Variants in KCNC1 observed in about 807,000 individuals in gnomAD.
The protein encoded by KCNC1 is voltage-gated potassium channel KCNC1.
In KCNC1, 8 loss-of-function variants were observed where a neutral mutation model predicts 43.4. The observed-to-expected ratio is 0.18, with a 90% CI of 0.11 to 0.33. The LOEUF (loss-of-function observed/expected upper bound fraction) is 0.33. KCNC1 is among the 10% of genes least tolerant of loss of function. KCNC1 has a pLI of 1.00. For missense variants in KCNC1, 420 were observed against 836.0 expected, an observed-to-expected ratio of 0.50 and a Z score of 6.14; for synonymous variants, 361 against 360.5, an observed-to-expected ratio of 1.00 and a Z score of -0.01.
Position 17,782,435 on chromosome 11 carries a change from C to G in KCNC1, c.*701C>G, listed in dbSNP as rs1177854558. On this transcript the variant is annotated 3_prime_UTR_variant, in exon 4 of 4. Transcript: ENST00000265969. ...CCCAGCGGATGTCTCCCCAAGACCC[C>G]TGACAGCAGCTAGTCTAGGTTGATT... The G allele has an allele frequency of 6.6e-6, 1 of 152,224 alleles. No homozygotes were observed. Among genetic ancestry groups the G allele is most frequent in the African/African-American group, 2.4e-5 (1 of 41,446 alleles). The allele number at this position is 152,224 out of a possible 1,614,324, so 9.4% of individuals were successfully genotyped here.
In KCNC1 at chr11:17,776,089, C is replaced by T. The variant is rs1849283874; in HGVS notation, c.1505-3367C>T. Reference sequence around the variant, plus strand: ...GCAGCCTGTGGGCCCTGAGTGGGGTCTTTGTTGTCCTCAGGTGGGCTGTGG... The same window carrying T: ...GCAGCCTGTGGGCCCTGAGTGGGGTTTTTGTTGTCCTCAGGTGGGCTGTGG... On this transcript the variant is annotated intron_variant, in intron 2 of 3. Coordinates refer to ENST00000265969, the MANE Select transcript of KCNC1 (RefSeq NM_001112741.2). This position sits in a 1 kb window ranked among gnomAD's most constrained non-coding sequence, Gnocchi z 4.4. 4.1e-6 allele frequency: 4 copies of T among 985,288 alleles called. No individual in the cohort carries two copies. The African/African-American group carries it at 7.0e-5, about 17-fold the overall frequency. The allele number at this position is 985,288 out of a possible 1,614,324, so 61.0% of individuals were successfully genotyped here.
At chr11:17,757,184 T>TAA (rs1406923762) in intron 1 of KCNC1, among the ~76,000 whole-genome samples, 2 of 149,352 alleles carry the variant, frequency 1.3e-5, no homozygotes, top group Non-Finnish European at 3.0e-5. Context: ...TTATGAGGAT[T>TAA]AAAAAGGGTA....
In KCNC1 at chr11:17,735,987, C is replaced by T; in HGVS notation, c.-16C>T. The T allele has an allele frequency of 1.4e-6, 2 of 1,444,522 alleles. No individual in the cohort carries two copies. The highest frequency in any genetic ancestry group is 1.8e-6 in the Non-Finnish European group (2 of 1,103,002). 89.5% of individuals were successfully genotyped at this position (1,444,522 alleles called of 1,614,324 possible). A position where few individuals can be genotyped will look rare whatever the true frequency, so the allele number is the denominator to read the frequency against. ...TGGGTGTCGCTGGGCCGCGCCATGC[C>T]TAAGGGGGCGCCGCGATGGGCCAAG... On this transcript the variant is annotated 5_prime_UTR_variant, in exon 1 of 4. Coordinates refer to ENST00000265969, the MANE Select transcript of KCNC1 (RefSeq NM_001112741.2). The surrounding 1 kb of genome is among the most constrained non-coding windows in gnomAD (Gnocchi z 6.7).
chr11:17,777,700 C>G lies in KCNC1; in HGVS notation c.1505-1756C>G. ...GGGAAGTGAAGCCCCTGGGATTTGT[C>G]GAGAAACGCACTGTACGTGAAATGC... On this transcript the variant is annotated intron_variant, in intron 2 of 3. Coordinates refer to ENST00000265969, the MANE Select transcript of KCNC1 (RefSeq NM_001112741.2). This position sits in a 1 kb window ranked among gnomAD's most constrained non-coding sequence, Gnocchi z 4.3. 1.0e-6 allele frequency: 1 copy of G among 985,880 alleles called. No homozygotes were observed. Among genetic ancestry groups the G allele is most frequent in the Non-Finnish European group, 1.2e-6 (1 of 829,950 alleles). 61.1% of individuals were successfully genotyped at this position (985,880 alleles called of 1,614,324 possible).
rs565516237 is a variant in KCNC1 at position 17,774,731 on chromosome 11, A to C, written c.1504+2133A>C. 8.1e-6 allele frequency: 8 copies of C among 985,296 alleles called. No homozygotes were observed. The African/African-American group carries it at 1.4e-4, about 17-fold the overall frequency. 61.0% of individuals were successfully genotyped at this position (985,296 alleles called of 1,614,324 possible). ...GGACAGTCTCTGTGGCTGAGGAAGT[A>C]TTTGGGGCCCTCACAAGCTTGCCCT... On this transcript the variant is annotated intron_variant, in intron 2 of 3. Transcript: ENST00000265969.
Position 17,776,147 on chromosome 11 carries a change from G to GTTACCCAAATGGGTA in KCNC1, c.1505-3309_1505-3308insTTACCCAAATGGGTA, listed in dbSNP as rs1849284795. On this transcript the variant is annotated intron_variant, in intron 2 of 3. Transcript: ENST00000265969. The surrounding 1 kb of genome is among the most constrained non-coding windows in gnomAD (Gnocchi z 4.4). ...AGCGGAGAAATGAAGTGACGCCAGGGGCCAGGCATGGGTGTTCTTTTCCGT... is the reference window on the plus strand; with the variant it reads ...AGCGGAGAAATGAAGTGACGCCAGGGTTACCCAAATGGGTAGCCAGGCATGGGTGTTCTTTTCCGT... 1.0e-6 allele frequency: 1 copy of GTTACCCAAATGGGTA among 985,326 alleles called. No individual in the cohort carries two copies. Among genetic ancestry groups the GTTACCCAAATGGGTA allele is most frequent in the Non-Finnish European group, 1.2e-6 (1 of 829,986 alleles). The allele number at this position is 985,326 out of a possible 1,614,324, so 61.0% of individuals were successfully genotyped here. A position where few individuals can be genotyped will look rare whatever the true frequency, so the allele number is the denominator to read the frequency against.
At chr11:17,749,134 G>C (rs1335322660) in intron 1 of KCNC1, among the ~76,000 whole-genome samples, 1 of 152,186 alleles carries the variant, frequency 6.6e-6, no homozygotes, top group Non-Finnish European at 1.5e-5. Context: ...GGGTCTGCTA[G>C]TTCTTAGCTG....
intron 1 of KCNC1, among the ~76,000 whole-genome samples, chr11:17,737,608 A>C (rs1263770409): frequency 6.6e-6 from 1 of 152,102 alleles, no homozygotes; most frequent in Non-Finnish European, 1.5e-5. Flanking sequence ...CAAAAAGAGG[A>C]ACTGGTAGCA....
At chr11:17,745,838 C>T (rs751659100) in intron 1 of KCNC1, among the ~76,000 whole-genome samples, 15 of 152,188 alleles carry the variant, frequency 9.9e-5, no homozygotes, top group Non-Finnish European at 1.5e-4. Context: ...GACACTTCTC[C>T]GGCCCCTTCC....
chr11:17,766,320 C>T (rs953996938), intron 1 of KCNC1, among the ~76,000 whole-genome samples: 4 of 152,300 alleles, frequency 2.6e-5, no homozygotes, highest in South Asian at 2.1e-4. Context: ...GTGCCATGTG[C>T]ACAGTGTCTG....
chr11:17,771,982 C>T lies in KCNC1; in HGVS notation c.888C>T (p.Ser296=), dbSNP rs529332669. 34 of 1,614,116 alleles carry T rather than the reference C, an allele frequency of 2.1e-5. No individual in the cohort carries two copies. Among genetic ancestry groups the T allele is most frequent in the South Asian group, 1.2e-4 (11 of 91,082 alleles). The change falls in exon 2 of 4, where the codon AGC becomes AGT. Residue 296 remains serine, a synonymous_variant. Coordinates refer to ENST00000265969, the MANE Select transcript of KCNC1 (RefSeq NM_001112741.2). This position sits in a 1 kb window ranked among gnomAD's most constrained non-coding sequence, Gnocchi z 4.7. ...CCTTCTACCTGGAGGTGGGGCTGAG[C>T]GGCCTGTCCTCCAAGGCAGCCAAGG... ...ILPFYLEVGL[S]GLSSKAAKDV...
intron 2 of KCNC1, chr11:17,775,837 G>C (rs1849279917): frequency 2.0e-6 from 2 of 985,462 alleles, no homozygotes; most frequent in African/African-American, 1.7e-5. Flanking sequence ...TGAGGTCTCA[G>C]AGAAGCCCCC....
intron 1 of KCNC1, among the ~76,000 whole-genome samples, chr11:17,759,470 TG>T (rs1294329036): frequency 1.4e-4 from 22 of 152,332 alleles, no homozygotes; most frequent in Admixed American, 7.9e-4. Flanking sequence ...GCTGACTGTT[TG>T]GTGCAAGAGG....
chr11:17,768,264 CAG>C (rs1366292097), intron 1 of KCNC1, among the ~76,000 whole-genome samples: 3 of 152,180 alleles, frequency 2.0e-5, no homozygotes, highest in Non-Finnish European at 2.9e-5. Flanking sequence ...TTTTTCCAGA[CAG>C]AGACTGGCAG....
intron 1 of KCNC1, among the ~76,000 whole-genome samples, chr11:17,763,809 C>A (rs993272748): frequency 9.7e-5 from 14 of 144,898 alleles, no homozygotes; most frequent in Admixed American, 2.7e-4. Context: ...ACACACAGAC[C>A]CCCACACACC....
intron 2 of KCNC1, chr11:17,772,811 TG>T: frequency 7.0e-7 from 1 of 1,438,220 alleles, no homozygotes; most frequent in Non-Finnish European, 9.1e-7. Context: ...CTGGTGCCCC[TG>T]GGTAAGGAGG....
intron 2 of KCNC1, among the ~76,000 whole-genome samples, chr11:17,778,446 A>T (rs1458109975): frequency 6.6e-6 from 1 of 152,230 alleles, no homozygotes; most frequent in Non-Finnish European, 1.5e-5. Context: ...CACTGACCAG[A>T]GGGGACAGAG....
Position 17,736,852 on chromosome 11 carries a change from T to G in KCNC1, c.570+280T>G, listed in dbSNP as rs1439498003. On this transcript the variant is annotated intron_variant, in intron 1 of 3. Coordinates refer to ENST00000265969, the MANE Select transcript of KCNC1 (RefSeq NM_001112741.2). This position sits in a 1 kb window ranked among gnomAD's most constrained non-coding sequence, Gnocchi z 9.3. ...GATTGTGTGTGCATATTTATGTAAGTGTGGTGGTGTGTATTTGGGTGGGTA... is the reference window on the plus strand; with the variant it reads ...GATTGTGTGTGCATATTTATGTAAGGGTGGTGGTGTGTATTTGGGTGGGTA... Among the ~76,000 whole-genome samples, 1 of 152,124 alleles carries G rather than the reference T, an allele frequency of 6.6e-6. No individual in the cohort carries two copies. Among genetic ancestry groups the G allele is most frequent in the Non-Finnish European group, 1.5e-5 (1 of 68,018 alleles).
In KCNC1 at chr11:17,777,023, G is replaced by C; in HGVS notation, c.1505-2433G>C. ...CTAGGGGTGTCCCGGGAATCCCCCA[G>C]GAGGGAAAGGTGCCAGGCTATCATC... is the stretch of plus-strand genomic sequence containing the variant. On this transcript the variant is annotated intron_variant, in intron 2 of 3. Transcript: ENST00000265969. This position sits in a 1 kb window ranked among gnomAD's most constrained non-coding sequence, Gnocchi z 4.3. 1.0e-6 allele frequency: 1 copy of C among 985,428 alleles called. No homozygotes were observed. The highest frequency in any genetic ancestry group is 1.2e-6 in the Non-Finnish European group (1 of 829,958). 61.0% of individuals were successfully genotyped at this position (985,428 alleles called of 1,614,324 possible).
Sources: allele counts gnomAD v4.1 joint callset (sites outside exome capture counted in the v4.1 genomes callset), GRCh38; gene constraint gnomAD v4.1.1; non-coding constraint Gnocchi (gnomAD v3.1); transcripts MANE v1.5; gene names NCBI Gene and HGNC (gene_info 2026-07-23, HGNC 2026-07-21).